Variants in VAMP7 observed in about 807,000 individuals in gnomAD.
VAMP7 encodes vesicle-associated membrane protein 7.
A neutral mutation model predicts 29.6 loss-of-function variants in VAMP7; 14 were observed. The observed-to-expected ratio is 0.47, with a 90% CI of 0.31 to 0.74. The LOEUF (loss-of-function observed/expected upper bound fraction) is 0.74, where lower values mean the gene tolerates loss of function less well. Ranked by LOEUF, VAMP7 falls within the 30% of genes least tolerant of loss-of-function variation. VAMP7 has a pLI of 0.05. For missense variants in VAMP7, 223 were observed against 262.4 expected, an observed-to-expected ratio of 0.85 and a Z score of 1.04; for synonymous variants, 95 against 88.1, an observed-to-expected ratio of 1.08 and a Z score of -0.44.
chrX:155,922,436 A>G (rs2066409885), intron 6 of VAMP7, among the ~76,000 whole-genome samples: 1 of 152,030 alleles, frequency 6.6e-6, no homozygotes. Context: ...TGAGAGTTGT[A>G]TTCATGATTT....
chrX:155,937,601 CT>C (rs1395000293), intron 6 of VAMP7, among the ~76,000 whole-genome samples: 1 of 152,030 alleles, frequency 6.6e-6, no homozygotes, highest in Admixed American at 6.5e-5. Context: ...GAAACAAAAG[CT>C]TGGAGGTCTG....
intron 1 of VAMP7, 64 bp from the exon 2 acceptor site, chrX:155,889,394 A>T: frequency 6.4e-7 from 1 of 1,568,196 alleles, no homozygotes; most frequent in Admixed American, 1.8e-5. Flanking sequence ...AAATGATAGT[A>T]AGTTACCTTT....
Position 155,942,017 on chromosome X carries a change from T to G in VAMP7, c.*66T>G. Reference sequence around the variant, plus strand: ...AGGAGTTAAAAGCAATCCATGTGACTCAAGCCTTTCACATACTGACAGATG... The same window carrying G: ...AGGAGTTAAAAGCAATCCATGTGACGCAAGCCTTTCACATACTGACAGATG... On this transcript the variant is annotated 3_prime_UTR_variant, in exon 8 of 8. Coordinates refer to ENST00000286448, the MANE Select transcript of VAMP7 (RefSeq NM_005638.6). 1 of 1,612,934 alleles carries G rather than the reference T, an allele frequency of 6.2e-7. No homozygotes were observed. The highest frequency in any genetic ancestry group is 8.5e-7 in the Non-Finnish European group (1 of 1,179,374).
At chrX:155,905,513 GT>G (rs1239796665) in intron 5 of VAMP7, among the ~76,000 whole-genome samples, 6 of 151,936 alleles carry the variant, frequency 3.9e-5, no homozygotes, top group Non-Finnish European at 8.8e-5. Flanking sequence ...TTACTACTTT[GT>G]TTTCTTCTAA....
chrX:155,933,586 C>G (rs992606751), intron 6 of VAMP7, among the ~76,000 whole-genome samples: 4 of 151,958 alleles, frequency 2.6e-5, no homozygotes, highest in Admixed American at 1.3e-4. Flanking sequence ...CTATTTGATT[C>G]TTCTCTCTTT....
chrX:155,895,706 A>G, intron 3 of VAMP7, 26 bp downstream of exon 3: 2 of 1,593,772 alleles, frequency 1.3e-6, no homozygotes, highest in Non-Finnish European at 1.7e-6. Flanking sequence ...ACATATTGCT[A>G]TTTAACTATG....
At chrX:155,933,113 T>G (rs964022665) in intron 6 of VAMP7, among the ~76,000 whole-genome samples, 4 of 152,224 alleles carry the variant, frequency 2.6e-5, no homozygotes, top group Non-Finnish European at 4.4e-5. Flanking sequence ...GCCAGTATTT[T>G]ATTGAAGATT....
At chrX:155,888,534 G>T (rs994306494) in intron 1 of VAMP7, among the ~76,000 whole-genome samples, 4 of 152,148 alleles carry the variant, frequency 2.6e-5, no homozygotes, top group African/African-American at 9.7e-5. Flanking sequence ...ACAAGGATTT[G>T]TTCATCTCTT....
At position 155,903,648 on chromosome X, in the gene VAMP7, A is replaced by G. The variant is rs1411703114; in HGVS notation, c.433+3061A>G. On this transcript the variant is annotated intron_variant, in intron 5 of 7. Coordinates refer to ENST00000286448, the MANE Select transcript of VAMP7 (RefSeq NM_005638.6). ...CATCAGAGAAATGCAAATCAAAACCACAATGTGATACCATCTCACACCAGT... is the reference window on the plus strand; with the variant it reads ...CATCAGAGAAATGCAAATCAAAACCGCAATGTGATACCATCTCACACCAGT... 5.9e-5 allele frequency among the ~76,000 whole-genome samples: 9 copies of G among 152,270 alleles called. No homozygotes were observed. The East Asian group carries it at 1.7e-3, about 29-fold the overall frequency.
At position 155,898,119 on chromosome X, in the gene VAMP7, A is replaced by G. The variant is rs2066010811; in HGVS notation, c.212A>G (p.Glu71Gly). Reference protein sequence around the residue: ...VYLCITDDDFERSRAFNFLNE... With the variant: ...VYLCITDDDFGRSRAFNFLNE... ...GTGTTGATCTCTTTTCAGGATTTTGAACGTTCCCGAGCCTTTAATTTTCTG... is the reference window on the plus strand; with the variant it reads ...GTGTTGATCTCTTTTCAGGATTTTGGACGTTCCCGAGCCTTTAATTTTCTG... Residue 71 changes from glutamate to glycine, a missense_variant, in exon 4 of 8, where the codon GAA (glutamate) becomes GGA (glycine). Physicochemically the swap from Glu to Gly is moderately conservative, Grantham distance 98 (BLOSUM62 -2). Coordinates refer to ENST00000286448, the MANE Select transcript of VAMP7 (RefSeq NM_005638.6). The G allele has an allele frequency of 6.2e-7, 1 of 1,610,442 alleles. No individual in the cohort carries two copies.
intron 6 of VAMP7, among the ~76,000 whole-genome samples, chrX:155,928,957 CTTTG>C (rs941058254): frequency 4.6e-5 from 7 of 152,122 alleles, no homozygotes; most frequent in Admixed American, 3.9e-4. Context: ...GTGAATTAGT[CTTTG>C]TTTGTAGTAT....
At chrX:155,919,700 T>A (rs2066367021) in intron 5 of VAMP7, 113 bp from the exon 6 acceptor site, 2 of 905,580 alleles carry the variant, frequency 2.2e-6, no homozygotes, top group Non-Finnish European at 3.5e-6. Flanking sequence ...GAAGCATGCC[T>A]GTCCTTTGGC....
chrX:155,929,049 T>G (rs376151317), intron 6 of VAMP7, among the ~76,000 whole-genome samples: 1 of 152,216 alleles, frequency 6.6e-6, no homozygotes, highest in South Asian at 2.1e-4. Flanking sequence ...GGTCTCATAT[T>G]TGAACAATTT....
At chrX:155,891,411 G>C (rs755647675) in intron 2 of VAMP7, among the ~76,000 whole-genome samples, 1 of 152,232 alleles carries the variant, frequency 6.6e-6, no homozygotes, top group African/African-American at 2.4e-5. Flanking sequence ...GCATGTCTAG[G>C]TGGTACACAG....
At chrX:155,918,571 G>A (rs1386862796) in intron 5 of VAMP7, among the ~76,000 whole-genome samples, 10 of 152,182 alleles carry the variant, frequency 6.6e-5, no homozygotes, top group South Asian at 2.1e-4. Flanking sequence ...GGAGTTCCCC[G>A]ACCCCTTGTG....
intron 5 of VAMP7, among the ~76,000 whole-genome samples, chrX:155,916,865 T>C (rs1569444970): frequency 6.6e-6 from 1 of 152,142 alleles, no homozygotes; most frequent in African/African-American, 2.4e-5. Context: ...AGTATCTTTG[T>C]GGTGTTCTCT....
In VAMP7 at chrX:155,941,893, A is replaced by G. The variant is rs763130384; in HGVS notation, c.605A>G (p.Tyr202Cys). 3 of 1,613,764 alleles carry G rather than the reference A, an allele frequency of 1.9e-6. No homozygotes were observed. In the South Asian group the frequency reaches 3.3e-5, roughly 18 times the overall value. The stretch of plus-strand genomic sequence containing the variant: ...TCCTCGTCCCTCCAGGTGTTCATCT[A>G]TATCATTGTTTCACCTCTCTGTGGT... ...IIIIVSIVFI[Y>C]IIVSPLCGGF... is the part of the protein sequence containing the mutation. Residue 202 changes from tyrosine (Y) to cysteine (C), a missense_variant, in exon 8 of 8, where the codon TAT becomes TGT. Physicochemically the swap from Tyr to Cys is radical, Grantham distance 194. Transcript: ENST00000286448.
At chrX:155,915,870 C>CT (rs1425438030) in intron 5 of VAMP7, among the ~76,000 whole-genome samples, 1 of 152,132 alleles carries the variant, frequency 6.6e-6, no homozygotes, top group East Asian at 1.9e-4. Flanking sequence ...CTGTAGATGT[C>CT]TATTAGGTCC....
intron 5 of VAMP7, among the ~76,000 whole-genome samples, chrX:155,910,541 C>CACCA (rs2066222087): frequency 6.7e-6 from 1 of 149,720 alleles, no homozygotes; most frequent in Non-Finnish European, 1.5e-5. Flanking sequence ...CACTGGTTTC[C>CACCA]ATAGTAGCTG....
Sources: allele counts gnomAD v4.1 joint callset (sites outside exome capture counted in the v4.1 genomes callset), GRCh38; gene constraint gnomAD v4.1.1; transcripts MANE v1.5; gene names NCBI Gene and HGNC (gene_info 2026-07-23, HGNC 2026-07-21).